MEGF10: variants seen among roughly 807,000 people sequenced by gnomAD.
MEGF10 encodes the protein multiple epidermal growth factor-like domains protein 10.
Under a neutral mutation model 147.5 loss-of-function variants are expected in MEGF10, and 86 were observed. The observed-to-expected ratio is 0.58, with a 90% confidence interval of 0.49 to 0.70. The LOEUF (loss-of-function observed/expected upper bound fraction) is 0.70, where lower values mean the gene tolerates loss of function less well. Ranked by LOEUF, MEGF10 falls within the 30% of genes least tolerant of loss-of-function variation. The pLI is 0.00. For synonymous variants in MEGF10, 478 were observed against 525.5 expected (o/e 0.91, Z 1.24); for missense variants, 1,329 against 1,487.3 (o/e 0.89, Z 1.75).
the MEGF10 span, among the ~76,000 whole-genome samples, chr5:127,250,656 T>C: frequency 6.6e-6 from 1 of 151,794 alleles, no homozygotes; most frequent in Non-Finnish European, 1.5e-5. Context: ...AGGTCCTAAC[T>C]CTAACCAATG....
chr5:127,295,282 A>G (rs1365123255), intron 1 of MEGF10, among the ~76,000 whole-genome samples: 1 of 152,194 alleles, frequency 6.6e-6, no homozygotes, highest in Non-Finnish European at 1.5e-5. Context: ...CATTCAGTGT[A>G]TACTCCATTT....
intron 19 of MEGF10, chr5:127,444,307 G>A (rs374536643): frequency 4.6e-5 from 7 of 152,176 alleles, no homozygotes; most frequent in African/African-American, 1.7e-4. Flanking sequence ...TTGGTAAAAT[G>A]ACTTTTACAT....
intron 5 of MEGF10, among the ~76,000 whole-genome samples, chr5:127,389,909 C>A (rs1763580014): frequency 6.6e-6 from 1 of 152,302 alleles, no homozygotes; most frequent in East Asian, 1.9e-4. Flanking sequence ...CGCACATATA[C>A]TTCCTTTTTA....
At chr5:127,327,575 CT>C (rs80230406) in intron 1 of MEGF10, among the ~76,000 whole-genome samples, 2,745 of 152,214 alleles carry the variant, frequency 0.018, 70 homozygotes, top group East Asian at 0.11. Flanking sequence ...ATTTACTGGA[CT>C]TTCCTTCTTC....
intron 1 of MEGF10, among the ~76,000 whole-genome samples, chr5:127,315,015 A>T (rs1458535370): frequency 2.0e-5 from 3 of 151,892 alleles, no homozygotes; most frequent in Non-Finnish European, 4.4e-5. Flanking sequence ...TTTGAATCTT[A>T]AAAAAAAGGA....
At chr5:127,318,425 A>T (rs113829858) in intron 1 of MEGF10, among the ~76,000 whole-genome samples, 12 of 152,312 alleles carry the variant, frequency 7.9e-5, no homozygotes, top group African/African-American at 2.9e-4. Flanking sequence ...TCCCTGATAG[A>T]AGTTTTTGCT....
At position 127,458,450 on chromosome 5, in the gene MEGF10, C is replaced by A. The variant is rs539757254; in HGVS notation, c.*1132C>A. ...CCCAACTTTTCATTAATTTGTATTT[C>A]CATTTTTAAATTGCATATTCTATGT... On this transcript the variant is annotated 3_prime_UTR_variant, in exon 25 of 25. Transcript: ENST00000503335. The A allele has an allele frequency of 6.6e-6, 1 of 152,210 alleles. No individual in the cohort carries two copies. The highest frequency in any genetic ancestry group is 2.1e-4 in the South Asian group (1 of 4,818). The allele number at this position is 152,210 out of a possible 1,614,324, so 9.4% of individuals were successfully genotyped here.
chr5:127,423,828 A>AT (rs1198588387), intron 13 of MEGF10, among the ~76,000 whole-genome samples: 1 of 151,764 alleles, frequency 6.6e-6, no homozygotes, highest in Non-Finnish European at 1.5e-5. Context: ...TCTTTGAGTT[A>AT]TTTTTTCCTT....
intron 4 of MEGF10, among the ~76,000 whole-genome samples, chr5:127,350,146 C>T (rs1762036862): frequency 6.6e-6 from 1 of 152,090 alleles, no homozygotes; most frequent in Non-Finnish European, 1.5e-5. Context: ...TTCCACTTTG[C>T]CTTTGGGCTC....
At position 127,458,329 on chromosome 5, in the gene MEGF10, TG is replaced by T. The variant is rs1486029724; in HGVS notation, c.*1012del. The stretch of plus-strand genomic sequence containing the variant: ...TCCCTAGAAGTGACTGAAATATTTT[TG>T]TGCATATTTGAGAAAGGGAACTTTC... On this transcript the variant is annotated 3_prime_UTR_variant, in exon 25 of 25. Transcript: ENST00000503335. 6.6e-6 allele frequency: 1 copy of T among 152,220 alleles called. No homozygotes were observed. The highest frequency in any genetic ancestry group is 2.4e-5 in the African/African-American group (1 of 41,462). 9.4% of individuals were successfully genotyped at this position (152,220 alleles called of 1,614,324 possible).
At chr5:127,354,728 A>G (rs1029429749) in intron 4 of MEGF10, among the ~76,000 whole-genome samples, 23 of 152,194 alleles carry the variant, frequency 1.5e-4, no homozygotes, top group South Asian at 1.0e-3. Context: ...GTGAGAAGTT[A>G]TATTTACTGT....
chr5:127,404,230 C>CT (rs1764240980), intron 8 of MEGF10, among the ~76,000 whole-genome samples: 1 of 151,812 alleles, frequency 6.6e-6, no homozygotes, highest in South Asian at 2.1e-4. Flanking sequence ...TGTTGAGCAC[C>CT]TTTTCATATG....
chr5:127,400,550 C>T (rs1764087864), intron 7 of MEGF10, among the ~76,000 whole-genome samples: 1 of 152,208 alleles, frequency 6.6e-6, no homozygotes, highest in South Asian at 2.1e-4. Context: ...CAGTGTTGGT[C>T]TTTTGCAATG....
chr5:127,340,420 A>T, intron 3 of MEGF10, 110 bp from the exon 4 acceptor site: 1 of 678,180 alleles, frequency 1.5e-6, no homozygotes, highest in Non-Finnish European at 2.5e-6. Context: ...TTGATGAGTT[A>T]GTATTATATT....
chr5:127,275,026 G>A, the MEGF10 span, among the ~76,000 whole-genome samples: 1 of 152,160 alleles, frequency 6.6e-6, no homozygotes, highest in Non-Finnish European at 1.5e-5. Flanking sequence ...CATAGTGCTT[G>A]TTGGTAGTTT....
chr5:127,322,927 G>A (rs1194959255), intron 1 of MEGF10, among the ~76,000 whole-genome samples: 1 of 151,728 alleles, frequency 6.6e-6, no homozygotes, highest in Non-Finnish European at 1.5e-5. Context: ...TATATAATGT[G>A]TATATATATA....
Position 127,434,726 on chromosome 5 carries a change from C to T in MEGF10, c.1880C>T (p.Thr627Ile), listed in dbSNP as rs778901566. The change falls in exon 15 of 25, where the codon ACA (threonine) becomes ATA (isoleucine). Residue 627 changes from threonine to isoleucine, a missense_variant. By Grantham distance (89) the Thr-to-Ile change is moderately conservative (BLOSUM62 -1). Coordinates refer to ENST00000503335, the MANE Select transcript of MEGF10 (RefSeq NM_001256545.2). ...PGFYGHRCSQTCPQCVHSSGP... is the reference protein window; with the variant it reads ...PGFYGHRCSQICPQCVHSSGP... ...TTTTATGGGCATCGCTGCAGCCAGA[C>T]ATGCCCACAGTGCGTTCACAGCAGC... The T allele has an allele frequency of 1.7e-5, 27 of 1,613,810 alleles. No homozygotes were observed. The highest frequency in any genetic ancestry group is 1.9e-5 in the Non-Finnish European group (23 of 1,179,966).
Position 127,457,641 on chromosome 5 carries a change from G to T in MEGF10, c.*323G>T, listed in dbSNP as rs923417041. 1 of 281,502 alleles carries T rather than the reference G, an allele frequency of 3.6e-6. No homozygotes were observed. 17.4% of individuals were successfully genotyped at this position (281,502 alleles called of 1,614,324 possible). On this transcript the variant is annotated 3_prime_UTR_variant, in exon 25 of 25. Coordinates refer to ENST00000503335, the MANE Select transcript of MEGF10 (RefSeq NM_001256545.2). ...GAGACGCAGGTTGCAGTGGACATTG[G>T]GATTGTTGCTTGAAAAATTAAAATT...
intron 20 of MEGF10, among the ~76,000 whole-genome samples, chr5:127,447,260 C>T (rs1303601427): frequency 6.6e-6 from 1 of 152,200 alleles, no homozygotes; most frequent in Non-Finnish European, 1.5e-5. Flanking sequence ...ACTGTAACCT[C>T]TACCTCCGGG....
Sources: gnomAD v4.1 joint callset for allele counts (sites outside exome capture counted in the v4.1 genomes callset) on GRCh38, gnomAD v4.1.1 for gene constraint, MANE v1.5 for transcripts, NCBI Gene and HGNC (gene_info 2026-07-23, HGNC 2026-07-21) for gene names.